Variants in DMRTA1 observed in about 807,000 individuals in gnomAD.
DMRTA1 encodes the protein DMRT like family A1, also known as doublesex- and mab-3-related transcription factor A1.
DMRTA1 carries 34 observed loss-of-function variants against 35.2 expected under a neutral mutation model. The observed-to-expected ratio is 0.97, with a 90% CI of 0.74 to 1.29. DMRTA1 has a LOEUF of 1.29. DMRTA1 is among the 50% of genes most tolerant of loss of function. The probability of loss-of-function intolerance (pLI) is 0.00; values close to 1 mark genes in which losing one functional copy is unlikely to be tolerated. For missense variants in DMRTA1, 824 were observed against 644.6 expected (o/e 1.28, Z -3.01); for synonymous variants, 344 against 276.6 (o/e 1.24, Z -2.42).
At chr9:22,448,362 A>G (rs928876602) in intron 1 of DMRTA1, among the ~76,000 whole-genome samples, 1 of 152,204 alleles carries the variant, frequency 6.6e-6, no homozygotes, top group Non-Finnish European at 1.5e-5. Flanking sequence ...AAATCTACCA[A>G]ACCATCGTCT....
In DMRTA1 at chr9:22,446,926, G is replaced by C. The variant is rs987710738; in HGVS notation, c.-140G>C. 1 of 1,070,568 alleles carries C rather than the reference G, an allele frequency of 9.3e-7. No individual in the cohort carries two copies. The highest frequency in any genetic ancestry group is 1.3e-6 in the Non-Finnish European group (1 of 755,500). The allele number at this position is 1,070,568 out of a possible 1,614,324, so 66.3% of individuals were successfully genotyped here. A position where few individuals can be genotyped will look rare whatever the true frequency, so the allele number is the denominator to read the frequency against. ...TCCCAACTCCTTCCGAGTGGAAAGA[G>C]TGTAAAACTTTTGTCCGTGCGCGGG... On this transcript the variant is annotated 5_prime_UTR_variant, in exon 1 of 2. Transcript: ENST00000325870.
chr9:22,451,092 C>T lies in DMRTA1; in HGVS notation c.696C>T (p.Cys232=), dbSNP rs778714494. The T allele has an allele frequency of 2.5e-6, 4 of 1,613,142 alleles. No individual in the cohort carries two copies. Among genetic ancestry groups the T allele is most frequent in the Non-Finnish European group, 3.4e-6 (4 of 1,179,800 alleles). Reference sequence around the variant, plus strand: ...AAAAAGAGAGTAAATGTGAGTCATGCCAGAATGGACAAGAAGAACTGATCT... The same window carrying T: ...AAAAAGAGAGTAAATGTGAGTCATGTCAGAATGGACAAGAAGAACTGATCT... The part of the protein sequence containing the change: ...QEQKESKCES[C]QNGQEELISK... Residue 232 remains cysteine, a synonymous_variant, in exon 2 of 2, where the codon TGC becomes TGT. Coordinates refer to ENST00000325870, the MANE Select transcript of DMRTA1 (RefSeq NM_022160.3).
intron 1 of DMRTA1, among the ~76,000 whole-genome samples, chr9:22,449,786 G>C (rs994430400): frequency 6.6e-6 from 1 of 152,004 alleles, no homozygotes; most frequent in Non-Finnish European, 1.5e-5. Flanking sequence ...ACTTCAAAAT[G>C]CTAAATTGTA....
In DMRTA1 at chr9:22,452,111, AAG is replaced by A; in HGVS notation, c.*202_*203del. On this transcript the variant is annotated 3_prime_UTR_variant, in exon 2 of 2. Transcript: ENST00000325870. Reference sequence around the variant, plus strand: ...CTCTTCATTAGGATTTATCAAGTGAAAGAAGTAAATCTGAACATTATATGTGC... The same window carrying A: ...CTCTTCATTAGGATTTATCAAGTGAAAAGTAAATCTGAACATTATATGTGC... The A allele has an allele frequency of 1.9e-6, 1 of 519,726 alleles. No individual in the cohort carries two copies. Among genetic ancestry groups the A allele is most frequent in the Non-Finnish European group, 3.2e-6 (1 of 312,440 alleles). 32.2% of individuals were successfully genotyped at this position (519,726 alleles called of 1,614,324 possible). A position where few individuals can be genotyped will look rare whatever the true frequency, so the allele number is the denominator to read the frequency against.
chr9:22,448,641 T>A (rs1818875190), intron 1 of DMRTA1, among the ~76,000 whole-genome samples: 1 of 152,074 alleles, frequency 6.6e-6, no homozygotes, highest in South Asian at 2.1e-4. Context: ...ACAAAACTTA[T>A]AAAGCTGTAT....
rs997229522 is a variant in DMRTA1 at position 22,455,533 on chromosome 9, A to G, written c.*3622A>G. On this transcript the variant is annotated 3_prime_UTR_variant, in exon 2 of 2. Coordinates refer to ENST00000325870, the MANE Select transcript of DMRTA1 (RefSeq NM_022160.3). ...TTTGCCCCCTCGTGGCAGTCTCTCAACAAAGAGTACTGTAATTGCATTTAA... is the reference window on the plus strand; with the variant it reads ...TTTGCCCCCTCGTGGCAGTCTCTCAGCAAAGAGTACTGTAATTGCATTTAA... 3.3e-5 allele frequency: 5 copies of G among 152,184 alleles called. No homozygotes were observed. The highest frequency in any genetic ancestry group is 2.0e-4 in the Admixed American group (3 of 15,276). 9.4% of individuals were successfully genotyped at this position (152,184 alleles called of 1,614,324 possible).
At chr9:22,448,329 A>C (rs1296330254) in intron 1 of DMRTA1, among the ~76,000 whole-genome samples, 2 of 152,206 alleles carry the variant, frequency 1.3e-5, no homozygotes, top group African/African-American at 4.8e-5. Flanking sequence ...ATTTGTTGCA[A>C]GCTTGATGTG....
chr9:22,452,633 A>G lies in DMRTA1; in HGVS notation c.*722A>G, dbSNP rs1437111158. 3 of 152,180 alleles carry G rather than the reference A, an allele frequency of 2.0e-5. No individual in the cohort carries two copies. The highest frequency in any genetic ancestry group is 4.4e-5 in the Non-Finnish European group (3 of 68,020). 9.4% of individuals were successfully genotyped at this position (152,180 alleles called of 1,614,324 possible). On this transcript the variant is annotated 3_prime_UTR_variant, in exon 2 of 2. Transcript: ENST00000325870. ...CTCCTGGCCACTATCGCCAATTGCA[A>G]CTGAGCTCTGTAGAGTATATGAATT...
At chr9:22,450,495 GT>G (rs199630332) in intron 1 of DMRTA1, among the ~76,000 whole-genome samples, 126 of 151,420 alleles carry the variant, frequency 8.3e-4, no homozygotes, top group African/African-American at 2.6e-3. Context: ...GAAATGAACA[GT>G]TTTTTTTTAC....
In DMRTA1 at chr9:22,454,837, A is replaced by G. The variant is rs1411495399; in HGVS notation, c.*2926A>G. On this transcript the variant is annotated 3_prime_UTR_variant, in exon 2 of 2. Transcript: ENST00000325870. ...GAGTGTAGTGGCTGCCTCGTATGAT[A>G]AAGCATCTGGAACTCATTGAAAAAT... 3.9e-5 allele frequency: 6 copies of G among 152,162 alleles called. No individual in the cohort carries two copies. Among genetic ancestry groups the G allele is most frequent in the Non-Finnish European group, 8.8e-5 (6 of 68,008 alleles). The allele number at this position is 152,162 out of a possible 1,614,324, so 9.4% of individuals were successfully genotyped here. A position where few individuals can be genotyped will look rare whatever the true frequency, so the allele number is the denominator to read the frequency against.
chr9:22,453,049 A>G lies in DMRTA1; in HGVS notation c.*1138A>G, dbSNP rs1818955704. The G allele has an allele frequency of 1.3e-5, 2 of 152,030 alleles. No individual in the cohort carries two copies. The highest frequency in any genetic ancestry group is 1.3e-4 in the Admixed American group (2 of 15,262). 9.4% of individuals were successfully genotyped at this position (152,030 alleles called of 1,614,324 possible). A position where few individuals can be genotyped will look rare whatever the true frequency, so the allele number is the denominator to read the frequency against. ...CCTCTGGCGCATTTGAAAACTATTT[A>G]TTTCAGTCAGTGGAAAGTCCCTGAG... On this transcript the variant is annotated 3_prime_UTR_variant, in exon 2 of 2. Coordinates refer to ENST00000325870, the MANE Select transcript of DMRTA1 (RefSeq NM_022160.3).
In DMRTA1 at chr9:22,447,088, G is replaced by A. The variant is rs1441755839; in HGVS notation, c.23G>A (p.Ser8Asn). MERSQCGSRDRGVSGRPH... is the reference protein window; with the variant it reads MERSQCGNRDRGVSGRPH... The stretch of plus-strand genomic sequence containing the variant: ...GGAATGGAGCGGTCACAGTGTGGCA[G>A]CAGAGACCGAGGCGTTAGCGGCCGA... The change falls in exon 1 of 2, where the codon AGC (serine) becomes AAC (asparagine). Residue 8 changes from serine (S) to asparagine (N), a missense_variant. Physicochemically the swap from Ser to Asn is conservative, Grantham distance 46. Coordinates refer to ENST00000325870, the MANE Select transcript of DMRTA1 (RefSeq NM_022160.3). 2 of 1,609,606 alleles carry A rather than the reference G, an allele frequency of 1.2e-6. No individual in the cohort carries two copies. Among genetic ancestry groups the A allele is most frequent in the Non-Finnish European group, 1.7e-6 (2 of 1,178,654 alleles).
chr9:22,451,649 C>A lies in DMRTA1; in HGVS notation c.1253C>A (p.Ser418Tyr). 1 of 1,614,106 alleles carries A rather than the reference C, an allele frequency of 6.2e-7. No individual in the cohort carries two copies. The highest frequency in any genetic ancestry group is 8.5e-7 in the Non-Finnish European group (1 of 1,179,964). Residue 418 changes from serine to tyrosine, a missense_variant, in exon 2 of 2, where the codon TCT becomes TAT. Transcript: ENST00000325870. ...AFSPLQTTSASYGGDSSLYGV... is the reference protein window; with the variant it reads ...AFSPLQTTSAYYGGDSSLYGV... The stretch of plus-strand genomic sequence containing the variant: ...TCTCCTCTTCAAACTACTTCTGCTT[C>A]TTATGGAGGTGATTCAAGTCTCTAC...
At position 22,451,235 on chromosome 9, in the gene DMRTA1, C is replaced by T; in HGVS notation, c.839C>T (p.Pro280Leu). 6.2e-7 allele frequency: 1 copy of T among 1,614,108 alleles called. No individual in the cohort carries two copies. Among genetic ancestry groups the T allele is most frequent in the African/African-American group, 1.3e-5 (1 of 75,038 alleles). Residue 280 changes from proline (P) to leucine (L), a missense_variant, in exon 2 of 2, where the codon CCT becomes CTT. Coordinates refer to ENST00000325870, the MANE Select transcript of DMRTA1 (RefSeq NM_022160.3). Reference protein sequence around the residue: ...YSNKPDSILSPHPGEQSGGEE... With the variant: ...YSNKPDSILSLHPGEQSGGEE... The stretch of plus-strand genomic sequence containing the variant: ...AACAAGCCTGATAGTATCCTGTCTC[C>T]TCATCCTGGAGAGCAATCAGGAGGT...
chr9:22,447,451 T>G lies in DMRTA1; in HGVS notation c.386T>G (p.Ile129Ser). 6.4e-7 allele frequency: 1 copy of G among 1,553,342 alleles called. No homozygotes were observed. Among genetic ancestry groups the G allele is most frequent in the Non-Finnish European group, 8.7e-7 (1 of 1,150,304 alleles). Residue 129 changes from isoleucine (I) to serine (S), a missense_variant, in exon 1 of 2, where the codon ATC (isoleucine) becomes AGC (serine). Physicochemically the swap from Ile to Ser is moderately radical, Grantham distance 142. Coordinates refer to ENST00000325870, the MANE Select transcript of DMRTA1 (RefSeq NM_022160.3). ...TGCGCGTGTGCCAAGTGCACCCTGA[T>G]CGCCGAGCGCCAGCGCGTCATGGCC... ...RDCACAKCTL[I>S]AERQRVMAAQ...
At position 22,447,564 on chromosome 9, in the gene DMRTA1, C is replaced by A. The variant is rs539265325; in HGVS notation, c.499C>A (p.Pro167Thr). 2.5e-6 allele frequency: 4 copies of A among 1,594,054 alleles called. No individual in the cohort carries two copies. The highest frequency in any genetic ancestry group is 3.4e-6 in the Non-Finnish European group (4 of 1,171,178). ...QRLLCSGLSWPPGGRASGGGG... is the reference protein window; with the variant it reads ...QRLLCSGLSWTPGGRASGGGG... The stretch of plus-strand genomic sequence containing the variant: ...GCTCCTGTGCTCGGGGCTCTCCTGG[C>A]CCCCCGGTGGTCGGGCATCCGGGGG... The change falls in exon 1 of 2, where the codon CCC (proline) becomes ACC (threonine). Residue 167 changes from proline (P) to threonine (T), a missense_variant. Physicochemically the swap from Pro to Thr is conservative, Grantham distance 38 (BLOSUM62 -1). Coordinates refer to ENST00000325870, the MANE Select transcript of DMRTA1 (RefSeq NM_022160.3).
At chr9:22,451,024 T>C (rs1462895271) in intron 1 of DMRTA1, 40 bp from the exon 2 acceptor site, 1 of 1,573,520 alleles carries the variant, frequency 6.4e-7, no homozygotes, top group South Asian at 1.2e-5. Context: ...TTCTGGGAAG[T>C]CTTCCCTGTA....
chr9:22,452,106 A>G lies in DMRTA1; in HGVS notation c.*195A>G, dbSNP rs1380551244. ...GAAAACTCTTCATTAGGATTTATCA[A>G]GTGAAAGAAGTAAATCTGAACATTA... On this transcript the variant is annotated 3_prime_UTR_variant, in exon 2 of 2. Transcript: ENST00000325870. 2 of 534,628 alleles carry G rather than the reference A, an allele frequency of 3.7e-6. No individual in the cohort carries two copies. The highest frequency in any genetic ancestry group is 6.2e-6 in the Non-Finnish European group (2 of 323,962). The allele number at this position is 534,628 out of a possible 1,614,324, so 33.1% of individuals were successfully genotyped here.
chr9:22,448,210 G>A (rs1368823885), intron 1 of DMRTA1, among the ~76,000 whole-genome samples: 2 of 152,108 alleles, frequency 1.3e-5, no homozygotes, highest in Admixed American at 6.5e-5. Context: ...CCCAGGCTCA[G>A]GTGATCCTCC....
Sources: allele counts gnomAD v4.1 joint callset (sites outside exome capture counted in the v4.1 genomes callset), GRCh38; gene constraint gnomAD v4.1.1; transcripts MANE v1.5; gene names NCBI Gene and HGNC (gene_info 2026-07-23, HGNC 2026-07-21).